IRAK2: variants seen among roughly 807,000 people sequenced by gnomAD.
IRAK2 encodes interleukin-1 receptor-associated kinase-like 2.
In IRAK2, 57 loss-of-function variants were observed where a neutral mutation model predicts 72.0. The observed-to-expected ratio is 0.79, with a 90% CI of 0.64 to 0.99. The LOEUF (loss-of-function observed/expected upper bound fraction) is 0.99, where lower values mean the gene tolerates loss of function less well. Among genes scored for constraint, IRAK2 ranks in the 50% least tolerant of loss-of-function variants. The probability of loss-of-function intolerance (pLI) is 0.00; values close to 1 mark genes in which losing one functional copy is unlikely to be tolerated. For synonymous variants in IRAK2, 293 were observed against 312.7 expected, an observed-to-expected ratio of 0.94 and a Z score of 0.67; for missense variants, 790 against 794.4, an observed-to-expected ratio of 0.99 and a Z score of 0.07.
intron 2 of IRAK2, among the ~76,000 whole-genome samples, chr3:10,183,389 G>A (rs1006773225): frequency 2.0e-5 from 3 of 152,184 alleles, no homozygotes; most frequent in African/African-American, 4.8e-5. Context: ...TGCCAAGGCC[G>A]TAGTTATTTA....
At chr3:10,167,379 A>G (rs1222260351) in intron 1 of IRAK2, among the ~76,000 whole-genome samples, 1 of 151,668 alleles carries the variant, frequency 6.6e-6, no homozygotes, top group Admixed American at 6.6e-5. Flanking sequence ...AACTAACATG[A>G]GGTTCATCCA....
intron 7 of IRAK2, among the ~76,000 whole-genome samples, chr3:10,218,274 A>G (rs1316062732): frequency 6.6e-6 from 1 of 152,128 alleles, no homozygotes; most frequent in Non-Finnish European, 1.5e-5. Context: ...AAATATAAGA[A>G]TTAGCCAGGC....
chr3:10,184,913 A>AT (rs1402176244), intron 2 of IRAK2, among the ~76,000 whole-genome samples: 1 of 144,710 alleles, frequency 6.9e-6, no homozygotes, highest in Non-Finnish European at 1.5e-5. Flanking sequence ...ATTTTTTTTT[A>AT]TTTTTAGTAG....
rs532889176 is a variant in IRAK2, at chr3:10,209,410, G to A, written c.425-179G>A. 3.3e-5 allele frequency among the ~76,000 whole-genome samples: 5 copies of A among 152,288 alleles called. No homozygotes were observed. The South Asian group carries it at 1.0e-3, about 32-fold the overall frequency. On this transcript the variant is annotated intron_variant, in intron 3 of 12. Coordinates refer to ENST00000256458, the MANE Select transcript of IRAK2 (RefSeq NM_001570.4). The stretch of plus-strand genomic sequence containing the variant: ...GCCCCAGGTTGTAGGGGAGTCAGAG[G>A]CTTATCCTGAGGTGATGCTTGAGGA...
chr3:10,193,446 AAAAAC>A (rs1163824708), intron 2 of IRAK2, among the ~76,000 whole-genome samples: 4 of 149,178 alleles, frequency 2.7e-5, no homozygotes, highest in East Asian at 4.1e-4. Flanking sequence ...TCTACCAAAA[AAAAAC>A]AAAAACAAAA....
In IRAK2 at chr3:10,209,663, A is replaced by G; in HGVS notation, c.499A>G (p.Ser167Gly). Residue 167 changes from serine (S) to glycine (G), a missense_variant, in exon 4 of 13, where the codon AGC (serine) becomes GGC (glycine). Coordinates refer to ENST00000256458, the MANE Select transcript of IRAK2 (RefSeq NM_001570.4). ...AGAAGATGCCCCTCATTCCTTGAGA[A>G]GCGACCTCCCCACTTCGTCTGATTC... The part of the protein sequence containing the change: ...PEEDAPHSLR[S>G]DLPTSSDSKD... 2 of 1,557,730 alleles carry G rather than the reference A, an allele frequency of 1.3e-6. No individual in the cohort carries two copies. The highest frequency in any genetic ancestry group is 1.7e-6 in the Non-Finnish European group (2 of 1,153,860).
At chr3:10,194,437 C>T (rs9862553) in intron 2 of IRAK2, among the ~76,000 whole-genome samples, 51,945 of 152,128 alleles carry the variant, frequency 0.34, 9,545 homozygotes, top group Non-Finnish European at 0.39. Flanking sequence ...ATAAGAAGTC[C>T]GTGAGCAGCT....
intron 8 of IRAK2, among the ~76,000 whole-genome samples, chr3:10,221,971 C>G (rs1229714574): frequency 6.6e-6 from 1 of 151,982 alleles, no homozygotes; most frequent in East Asian, 1.9e-4. Flanking sequence ...TGGAGTGCAC[C>G]TCTGCTTCCG....
At chr3:10,218,880 C>T (rs965326723) in intron 7 of IRAK2, among the ~76,000 whole-genome samples, 3 of 152,158 alleles carry the variant, frequency 2.0e-5, no homozygotes, top group Admixed American at 1.3e-4. Flanking sequence ...CTGGGAGTTA[C>T]ACCTAGATCT....
intron 1 of IRAK2, among the ~76,000 whole-genome samples, chr3:10,175,877 C>T (rs1196154273): frequency 3.4e-5 from 4 of 118,722 alleles, no homozygotes; most frequent in Non-Finnish European, 6.4e-5. Context: ...GGTGACAGAG[C>T]GAGACTCCGT....
chr3:10,213,347 C>G lies in IRAK2; in HGVS notation c.669C>G (p.Asp223Glu). ...AAATCAGCCAGGGGACCTTTGCTGA[C>G]GTCTACAGAGGGCACAGGCACGGGA... ...NRKISQGTFADVYRGHRHGKP... is the reference protein window; with the variant it reads ...NRKISQGTFAEVYRGHRHGKP... The change falls in exon 5 of 13, where the codon GAC becomes GAG. Residue 223 changes from aspartate (D) to glutamate (E), a missense_variant. Physicochemically the swap from Asp to Glu is conservative, Grantham distance 45 (BLOSUM62 2). Transcript: ENST00000256458. 1 of 1,614,034 alleles carries G rather than the reference C, an allele frequency of 6.2e-7. No homozygotes were observed. The highest frequency in any genetic ancestry group is 8.5e-7 in the Non-Finnish European group (1 of 1,180,024).
intron 11 of IRAK2, among the ~76,000 whole-genome samples, chr3:10,235,120 G>C (rs111500213): frequency 1.3e-5 from 2 of 152,078 alleles, no homozygotes; most frequent in Non-Finnish European, 2.9e-5. Flanking sequence ...CATGCAAACC[G>C]GGCTGCCCAG....
At chr3:10,190,279 CT>C (rs555169553) in intron 2 of IRAK2, among the ~76,000 whole-genome samples, 8,583 of 114,564 alleles carry the variant, frequency 0.075, 594 homozygotes, top group African/African-American at 0.2. Flanking sequence ...TTCTTTGTTT[CT>C]TTTTTTTTTT....
intron 1 of IRAK2, among the ~76,000 whole-genome samples, chr3:10,177,408 GC>G (rs1226036664): frequency 1.3e-5 from 2 of 152,074 alleles, no homozygotes; most frequent in Non-Finnish European, 1.5e-5. Flanking sequence ...CCTCATCCTG[GC>G]CCCACCTCCA....
chr3:10,191,962 C>A (rs1697182039), intron 2 of IRAK2, among the ~76,000 whole-genome samples: 1 of 151,884 alleles, frequency 6.6e-6, no homozygotes, highest in Non-Finnish European at 1.5e-5. Flanking sequence ...AGGGATCGCA[C>A]AATTAGGAAG....
chr3:10,223,199 C>T (rs1006986806), intron 9 of IRAK2, among the ~76,000 whole-genome samples: 4 of 152,188 alleles, frequency 2.6e-5, no homozygotes, highest in African/African-American at 9.7e-5. Context: ...ATATCCTCTC[C>T]TGACTTCCGT....
intron 2 of IRAK2, among the ~76,000 whole-genome samples, chr3:10,184,434 G>A (rs1414816340): frequency 6.6e-6 from 1 of 152,124 alleles, no homozygotes; most frequent in Non-Finnish European, 1.5e-5. Flanking sequence ...ATAGGCCTGG[G>A]GGCCTAATCA....
At chr3:10,225,682 T>C (rs1188166883) in intron 9 of IRAK2, among the ~76,000 whole-genome samples, 1 of 151,162 alleles carries the variant, frequency 6.6e-6, no homozygotes, top group East Asian at 2.0e-4. Flanking sequence ...CTGCTTGCCA[T>C]AGCTGAAGGT....
chr3:10,183,910 G>A (rs1697003073), intron 2 of IRAK2, among the ~76,000 whole-genome samples: 1 of 152,110 alleles, frequency 6.6e-6, no homozygotes, highest in African/African-American at 2.4e-5. Context: ...TAAAACAAGC[G>A]CAGACCACAG....
Sources: gnomAD v4.1 joint callset for allele counts (sites outside exome capture counted in the v4.1 genomes callset) on GRCh38, gnomAD v4.1.1 for gene constraint, MANE v1.5 for transcripts, NCBI Gene and HGNC (gene_info 2026-07-23, HGNC 2026-07-21) for gene names.